The following ELP4 variants were observed in gnomAD, a reference collection of about 807,000 sequenced individuals.
ELP4 encodes elongator complex protein 4.
In ELP4, 51 loss-of-function variants were observed where a neutral mutation model predicts 48.9. The observed-to-expected ratio is 1.04, with a 90% CI of 0.83 to 1.32. The LOEUF (loss-of-function observed/expected upper bound fraction) is 1.32. Ranked by LOEUF, ELP4 falls within the 40% of genes most tolerant of loss-of-function variation. The probability of loss-of-function intolerance (pLI) is 0.00; values close to 1 mark genes in which losing one functional copy is unlikely to be tolerated. For synonymous variants in ELP4, 210 were observed against 189.2 expected, an observed-to-expected ratio of 1.11 and a Z score of -0.90; for missense variants, 519 against 514.6, an observed-to-expected ratio of 1.01 and a Z score of -0.08.
rs1957646200 is a variant in ELP4 at position 31,594,882 on chromosome 11, A to C, written c.494A>C (p.Gln165Pro). 1 of 1,560,168 alleles carries C rather than the reference A, an allele frequency of 6.4e-7. No homozygotes were observed. The highest frequency in any genetic ancestry group is 2.1e-5 in the Admixed American group (1 of 46,800). Residue 165 changes from glutamine to proline, a missense_variant, in exon 4 of 10, where the codon CAG (glutamine) becomes CCG (proline). Physicochemically the swap from Gln to Pro is moderately conservative, Grantham distance 76. Coordinates refer to ENST00000640961, the MANE Select transcript of ELP4 (RefSeq NM_019040.5). ...AAGATGAAAATAGCTTGGCGTTACCAGTTATTACCCAAGATGGAGGCAAGT... is the reference window on the plus strand; with the variant it reads ...AAGATGAAAATAGCTTGGCGTTACCCGTTATTACCCAAGATGGAGGCAAGT... Reference protein sequence around the residue: ...NIKMKIAWRYQLLPKMEIGPV... With the variant: ...NIKMKIAWRYPLLPKMEIGPV...
chr11:31,537,072 C>G (rs1449814483), intron 2 of ELP4, among the ~76,000 whole-genome samples: 5 of 152,106 alleles, frequency 3.3e-5, no homozygotes, highest in Non-Finnish European at 5.9e-5. Context: ...GCAAAGAAGG[C>G]ATTTTCTTCT....
At chr11:31,647,611 T>G in intron 7 of ELP4, 130 bp from the exon 8 acceptor site, 5 of 594,046 alleles carry the variant, frequency 8.4e-6, no homozygotes. Flanking sequence ...TAGCTTTAAC[T>G]TTTAAGTTAT....
At chr11:31,581,001 C>T (rs1045091428) in intron 3 of ELP4, among the ~76,000 whole-genome samples, 1 of 152,112 alleles carries the variant, frequency 6.6e-6, no homozygotes, top group African/African-American at 2.4e-5. Context: ...ATTTGACAGT[C>T]TATATTTCTC....
intron 1 of ELP4, chr11:31,510,583 G>T: frequency 2.5e-6 from 1 of 393,502 alleles, no homozygotes; most frequent in South Asian, 1.4e-4. Context: ...GCCTGTCGTT[G>T]ATATTTAGAT....
chr11:31,551,205 T>C (rs1459491321), intron 3 of ELP4, among the ~76,000 whole-genome samples: 1 of 152,192 alleles, frequency 6.6e-6, no homozygotes, highest in Non-Finnish European at 1.5e-5. Flanking sequence ...ATTGTTGTGC[T>C]GTTAATCGTT....
chr11:31,577,361 G>A (rs974913898), intron 3 of ELP4, among the ~76,000 whole-genome samples: 1 of 152,178 alleles, frequency 6.6e-6, no homozygotes, highest in Non-Finnish European at 1.5e-5. Context: ...GAGGTACAAA[G>A]AGGAGCTGGT....
chr11:31,667,596 G>A (rs919399564), intron 9 of ELP4, among the ~76,000 whole-genome samples: 9 of 151,886 alleles, frequency 5.9e-5, no homozygotes, highest in Non-Finnish European at 1.3e-4. Flanking sequence ...GTAAGATTTA[G>A]GTAACACCAT....
intron 7 of ELP4, chr11:31,647,395 A>T (rs897772896): frequency 2.1e-5 from 4 of 193,848 alleles, no homozygotes; most frequent in African/African-American, 4.8e-5. Context: ...AAGTAATTTG[A>T]AAAATAATCA....
In ELP4 at chr11:31,675,268, C is replaced by CT. The variant is rs34575941; in HGVS notation, c.1143+25060dup. Among the ~76,000 whole-genome samples, 93 of 146,064 alleles carry CT rather than the reference C, an allele frequency of 6.4e-4. 1 individual carries two copies. Among genetic ancestry groups the CT allele is most frequent in the South Asian group, 3.6e-3 (16 of 4,482 alleles). ...TAGTATAACAATTAATACATTTAATCTTTTTTTTTTTTTGAGACGGAGTTT... is the reference window on the plus strand; with the variant it reads ...TAGTATAACAATTAATACATTTAATCTTTTTTTTTTTTTTGAGACGGAGTTT... On this transcript the variant is annotated intron_variant, in intron 9 of 9. Coordinates refer to ENST00000640961, the MANE Select transcript of ELP4 (RefSeq NM_019040.5).
At chr11:31,569,089 A>G (rs576388102) in intron 3 of ELP4, among the ~76,000 whole-genome samples, 1 of 151,988 alleles carries the variant, frequency 6.6e-6, no homozygotes, top group African/African-American at 2.4e-5. Flanking sequence ...CATCTCAAAA[A>G]AAAAAATAAA....
At chr11:31,690,409 C>T (rs1188349339) in intron 9 of ELP4, among the ~76,000 whole-genome samples, 2 of 151,946 alleles carry the variant, frequency 1.3e-5, no homozygotes, top group South Asian at 2.1e-4. Flanking sequence ...GACCAAATAC[C>T]CCTTCTTTTT....
intron 3 of ELP4, among the ~76,000 whole-genome samples, chr11:31,569,859 C>G (rs1215449042): frequency 6.6e-6 from 1 of 151,982 alleles, no homozygotes; most frequent in East Asian, 1.9e-4. Flanking sequence ...GTTAAAAAGT[C>G]AATAATGTTT....
intron 3 of ELP4, among the ~76,000 whole-genome samples, chr11:31,582,896 G>A (rs371193126): frequency 1.8e-4 from 28 of 152,186 alleles, no homozygotes; most frequent in African/African-American, 5.8e-4. Context: ...TGGTGGGGGC[G>A]GGGTGGGGGA....
At chr11:31,717,745 CTG>C (rs1359905529) in intron 9 of ELP4, among the ~76,000 whole-genome samples, 1 of 148,972 alleles carries the variant, frequency 6.7e-6, no homozygotes, top group Non-Finnish European at 1.5e-5. Context: ...CAGAGTGACA[CTG>C]TGTCTCAAAA....
At chr11:31,676,796 C>CTA (rs1945934989) in intron 9 of ELP4, among the ~76,000 whole-genome samples, 1 of 152,116 alleles carries the variant, frequency 6.6e-6, no homozygotes, top group African/African-American at 2.4e-5. Flanking sequence ...AAATGAATGG[C>CTA]TAAGTTCCAA....
chr11:31,563,545 G>C (rs1008491590), intron 3 of ELP4, among the ~76,000 whole-genome samples: 2 of 152,064 alleles, frequency 1.3e-5, no homozygotes, highest in African/African-American at 4.8e-5. Flanking sequence ...ATAAATACTG[G>C]AATAATATTT....
chr11:31,744,263 C>CA (rs750327554), intron 9 of ELP4, among the ~76,000 whole-genome samples: 67 of 151,824 alleles, frequency 4.4e-4, no homozygotes, highest in Non-Finnish European at 6.8e-4. Context: ...GCTTACCAAC[C>CA]AAAAAAAGCT....
chr11:31,557,139 A>G (rs1441836428), intron 3 of ELP4, among the ~76,000 whole-genome samples: 1 of 151,856 alleles, frequency 6.6e-6, no homozygotes, highest in African/African-American at 2.4e-5. Context: ...TACATATAAC[A>G]TGTTAAAATT....
intron 9 of ELP4, among the ~76,000 whole-genome samples, chr11:31,661,055 T>C (rs1945545010): frequency 2.6e-5 from 4 of 152,084 alleles, no homozygotes; most frequent in Admixed American, 2.6e-4. Context: ...CGAAGAAATT[T>C]TAAAAATATA....
Sources: allele counts gnomAD v4.1 joint callset (sites outside exome capture counted in the v4.1 genomes callset), GRCh38; gene constraint gnomAD v4.1.1; transcripts MANE v1.5; gene names NCBI Gene and HGNC (gene_info 2026-07-23, HGNC 2026-07-21).